Variants in SMIM1 observed in about 807,000 individuals in gnomAD.
The protein encoded by SMIM1 is small integral membrane protein 1.
SMIM1 carries 7 observed loss-of-function variants against 7.7 expected under a neutral mutation model. The ratio of observed to expected loss-of-function variants is 0.91; its 90% confidence interval spans 0.52 to 1.71. The LOEUF is 1.71. Among genes scored for constraint, SMIM1 ranks in the 40% most tolerant of loss-of-function variants. SMIM1 has a pLI of 0.00. For missense variants in SMIM1, 95 were observed against 102.8 expected (o/e 0.92, Z 0.33); for synonymous variants, 41 against 42.7 (o/e 0.96, Z 0.16).
At position 3,773,179 on chromosome 1, in the gene SMIM1, CG is replaced by C. The variant is rs969787741; in HGVS notation, c.-76+1del. The C allele has an allele frequency of 9.8e-5, 15 of 152,348 alleles. No homozygotes were observed. Among genetic ancestry groups the C allele is most frequent in the African/African-American group, 2.2e-4 (9 of 41,464 alleles). 9.4% of individuals were successfully genotyped at this position (152,348 alleles called of 1,614,324 possible). A position where few individuals can be genotyped will look rare whatever the true frequency, so the allele number is the denominator to read the frequency against. The stretch of plus-strand genomic sequence containing the variant: ...GCCCCAGCCCTCAGGCAAGGTTCTC[CG>C]GGTAAGTGTGGGGCCCTGAGGCGCT... On this transcript the variant is annotated splice_region_variant and 5_prime_UTR_variant, in exon 2 of 4. Coordinates refer to ENST00000642557, the MANE Select transcript of SMIM1 (RefSeq NM_001288583.2).
chr1:3,772,901 C>G (rs2124601988), intron 1 of SMIM1, 113 bp downstream of exon 1: 1 of 152,450 alleles, frequency 6.6e-6, no homozygotes, highest in East Asian at 1.9e-4. Flanking sequence ...GTGCCCTGGA[C>G]TGACCCCCAC....
Position 3,775,816 on chromosome 1 carries a change from G to A in SMIM1, c.132G>A (p.Thr44=), listed in dbSNP as rs781707432. The A allele has an allele frequency of 3.4e-5, 53 of 1,550,600 alleles. No individual in the cohort carries two copies. The highest frequency in any genetic ancestry group is 3.3e-4 in the Middle Eastern group (2 of 5,984). Residue 44 remains threonine (T), a synonymous_variant, in exon 4 of 4, where the codon ACG becomes ACA. Transcript: ENST00000642557. The surrounding 1 kb of genome is among the most constrained non-coding windows in gnomAD (Gnocchi z 5.3). The part of the protein sequence containing the change: ...RCRRISQRLC[T]GKLGIAMKVL... ...CCAGGATCTCCCAGAGGCTGTGCACGGGCAAGCTGGGCATCGCCATGAAGG... is the reference window on the plus strand; with the variant it reads ...CCAGGATCTCCCAGAGGCTGTGCACAGGCAAGCTGGGCATCGCCATGAAGG...
rs1643446522 is a variant in SMIM1, at chr1:3,775,609, AGCAGCTCAGC to A, written c.110+127_110+136del. 8 of 1,273,180 alleles carry A rather than the reference AGCAGCTCAGC, an allele frequency of 6.3e-6. No individual in the cohort carries two copies. The highest frequency in any genetic ancestry group is 8.5e-6 in the Non-Finnish European group (8 of 940,362). The allele number at this position is 1,273,180 out of a possible 1,614,324, so 78.9% of individuals were successfully genotyped here. ...CATCCTGGCTGGGAGCCCACGGTCC[AGCAGCTCAGC>A]AAACCGCAGCCTTTGGCCTTCCCTC... On this transcript the variant is annotated intron_variant, in intron 3 of 3. Coordinates refer to ENST00000642557, the MANE Select transcript of SMIM1 (RefSeq NM_001288583.2). The surrounding 1 kb of genome is among the most constrained non-coding windows in gnomAD (Gnocchi z 5.3).
At position 3,775,948 on chromosome 1, in the gene SMIM1, C is replaced by T. The variant is rs1010727559; in HGVS notation, c.*27C>T. 3.9e-6 allele frequency: 6 copies of T among 1,542,502 alleles called. No individual in the cohort carries two copies. Among genetic ancestry groups the T allele is most frequent in the Non-Finnish European group, 4.4e-6 (5 of 1,145,260 alleles). On this transcript the variant is annotated 3_prime_UTR_variant, in exon 4 of 4. Transcript: ENST00000642557. The surrounding 1 kb of genome is among the most constrained non-coding windows in gnomAD (Gnocchi z 5.3). ...TGCTGCCCCGCATGCACGCGGGGGGCTGGCCGCACACGTGAGAGCACAGGC... is the reference window on the plus strand; with the variant it reads ...TGCTGCCCCGCATGCACGCGGGGGGTTGGCCGCACACGTGAGAGCACAGGC...
At position 3,775,703 on chromosome 1, in the gene SMIM1, C is replaced by G; in HGVS notation, c.111-92C>G. 6.8e-7 allele frequency: 1 copy of G among 1,469,518 alleles called. No homozygotes were observed. Among genetic ancestry groups the G allele is most frequent in the Non-Finnish European group, 9.0e-7 (1 of 1,110,444 alleles). The allele number at this position is 1,469,518 out of a possible 1,614,324, so 91.0% of individuals were successfully genotyped here. The stretch of plus-strand genomic sequence containing the variant: ...ACTCCAGCAGAGCGCCCAGGCCCCT[C>G]CCCCTGACCCAGACCAACGGCCACA... On this transcript the variant is annotated intron_variant, in intron 3 of 3. Transcript: ENST00000642557. The surrounding 1 kb of genome is among the most constrained non-coding windows in gnomAD (Gnocchi z 5.3).
At position 3,775,687 on chromosome 1, in the gene SMIM1, G is replaced by C. The variant is rs1268207652; in HGVS notation, c.111-108G>C. The C allele has an allele frequency of 2.1e-6, 3 of 1,436,444 alleles. No homozygotes were observed. The highest frequency in any genetic ancestry group is 2.8e-6 in the Non-Finnish European group (3 of 1,090,250). 89.0% of individuals were successfully genotyped at this position (1,436,444 alleles called of 1,614,324 possible). On this transcript the variant is annotated intron_variant, in intron 3 of 3. Coordinates refer to ENST00000642557, the MANE Select transcript of SMIM1 (RefSeq NM_001288583.2). The surrounding 1 kb of genome is among the most constrained non-coding windows in gnomAD (Gnocchi z 5.3). ...GGAGAGCTTCCTCTTGACTCCAGCA[G>C]AGCGCCCAGGCCCCTCCCCCTGACC...
intron 2 of SMIM1, among the ~76,000 whole-genome samples, chr1:3,774,755 C>T (rs1447171030): frequency 6.6e-6 from 1 of 152,146 alleles, no homozygotes. Flanking sequence ...GGCTGCAACC[C>T]ACACAGGCTG....
intron 2 of SMIM1, among the ~76,000 whole-genome samples, chr1:3,773,861 G>T (rs756975001): frequency 5.3e-5 from 8 of 152,334 alleles, no homozygotes; most frequent in Non-Finnish European, 1.0e-4. Flanking sequence ...TGAACCTCGG[G>T]TAGGCAGCTG....
Position 3,774,025 on chromosome 1 carries a change from G to T in SMIM1, c.-76+844G>T, listed in dbSNP as rs533191616. Among the ~76,000 whole-genome samples the T allele has an allele frequency of 5.1e-3, 778 of 151,438 alleles. 5 individuals are homozygous for T. Among genetic ancestry groups the T allele is most frequent in the African/African-American group, 0.018 (742 of 40,722 alleles). ...TCCTTCTGCCTCTCTGGGCTTTGGG[G>T]GAAGGCAGACATGGAAGTGCCGGGA... On this transcript the variant is annotated intron_variant, in intron 2 of 3. Transcript: ENST00000642557.
chr1:3,773,177 T>A lies in SMIM1; in HGVS notation c.-80T>A, dbSNP rs1244850425. ...AGGCCCCAGCCCTCAGGCAAGGTTC[T>A]CCGGGTAAGTGTGGGGCCCTGAGGC... On this transcript the variant is annotated 5_prime_UTR_variant, in exon 2 of 4. Transcript: ENST00000642557. The A allele has an allele frequency of 6.6e-6, 1 of 152,300 alleles. No individual in the cohort carries two copies. Among genetic ancestry groups the A allele is most frequent in the African/African-American group, 2.4e-5 (1 of 41,444 alleles). The allele number at this position is 152,300 out of a possible 1,614,324, so 9.4% of individuals were successfully genotyped here. A position where few individuals can be genotyped will look rare whatever the true frequency, so the allele number is the denominator to read the frequency against.
Position 3,775,147 on chromosome 1 carries a change from G to A in SMIM1, c.-75-152G>A, listed in dbSNP as rs1643438311. Among the ~76,000 whole-genome samples, 1 of 152,106 alleles carries A rather than the reference G, an allele frequency of 6.6e-6. No homozygotes were observed. On this transcript the variant is annotated intron_variant, in intron 2 of 3. Coordinates refer to ENST00000642557, the MANE Select transcript of SMIM1 (RefSeq NM_001288583.2). The surrounding 1 kb of genome is among the most constrained non-coding windows in gnomAD (Gnocchi z 5.3). ...GTCCCATCCTCCCGGCCTGACCCTG[G>A]GCAAATGACTCTACCACTTTGTGTC...
At chr1:3,773,384 G>A (rs568042825) in intron 2 of SMIM1, among the ~76,000 whole-genome samples, 1 of 152,244 alleles carries the variant, frequency 6.6e-6, no homozygotes, top group Non-Finnish European at 1.5e-5. Flanking sequence ...TACTGAGCAA[G>A]TGAGGGAGGC....
At position 3,775,904 on chromosome 1, in the gene SMIM1, G is replaced by T; in HGVS notation, c.220G>T (p.Val74Leu). 1.3e-6 allele frequency: 2 copies of T among 1,550,130 alleles called. No individual in the cohort carries two copies. The highest frequency in any genetic ancestry group is 1.7e-6 in the Non-Finnish European group (2 of 1,146,920). ...CCTGGGCTACCTCACAGGCTACTAT[G>T]TGCACAAGTGCAAATAAATGCTGCC... ...FILGYLTGYY[V>L]HKCK is the part of the protein sequence containing the mutation. Residue 74 changes from valine to leucine, a missense_variant, in exon 4 of 4, where the codon GTG becomes TTG. Coordinates refer to ENST00000642557, the MANE Select transcript of SMIM1 (RefSeq NM_001288583.2). This position sits in a 1 kb window ranked among gnomAD's most constrained non-coding sequence, Gnocchi z 5.3.
Position 3,775,349 on chromosome 1 carries a change from GC to G in SMIM1, c.-21del, listed in dbSNP as rs1243357172. 8 of 1,531,710 alleles carry G rather than the reference GC, an allele frequency of 5.2e-6. No homozygotes were observed. The highest frequency in any genetic ancestry group is 2.0e-5 in the Admixed American group (1 of 49,604). The allele number at this position is 1,531,710 out of a possible 1,614,324, so 94.9% of individuals were successfully genotyped here. ...TTGATCTCCCCACCGAGAAGGCCCC[GC>G]CCCTCCCGCTGCAGCCCCACAGCAT... On this transcript the variant is annotated 5_prime_UTR_variant, in exon 3 of 4. Transcript: ENST00000642557. This position sits in a 1 kb window ranked among gnomAD's most constrained non-coding sequence, Gnocchi z 5.3.
chr1:3,774,640 C>CT lies in SMIM1; in HGVS notation c.-75-658dup, dbSNP rs575419464. 1.1e-4 allele frequency among the ~76,000 whole-genome samples: 16 copies of CT among 152,246 alleles called. No homozygotes were observed. In the South Asian group the frequency reaches 3.3e-3, roughly 32 times the overall value. On this transcript the variant is annotated intron_variant, in intron 2 of 3. Coordinates refer to ENST00000642557, the MANE Select transcript of SMIM1 (RefSeq NM_001288583.2). ...GCAGCCACCCAGCCCTACGACCCTC[C>CT]TGTCTCTGTAGGGCCTCCCCAAGGC...
chr1:3,774,679 C>T (rs999026050), intron 2 of SMIM1, among the ~76,000 whole-genome samples: 5 of 118,840 alleles, frequency 4.2e-5, no homozygotes, highest in African/African-American at 1.1e-4. Flanking sequence ...GAATCCACCC[C>T]GGCCCCGTGC....
At chr1:3,774,399 A>C (rs1355775035) in intron 2 of SMIM1, among the ~76,000 whole-genome samples, 5 of 152,092 alleles carry the variant, frequency 3.3e-5, no homozygotes, top group Non-Finnish European at 5.9e-5. Flanking sequence ...GCCAGAGGGT[A>C]AAGGAGGTGC....
At chr1:3,774,579 G>T (rs887528144) in intron 2 of SMIM1, among the ~76,000 whole-genome samples, 2 of 152,196 alleles carry the variant, frequency 1.3e-5, no homozygotes, top group East Asian at 1.9e-4. Flanking sequence ...AGCCCAGCAG[G>T]GAGCTGGCCT....
At chr1:3,774,155 C>T (rs1643422965) in intron 2 of SMIM1, among the ~76,000 whole-genome samples, 1 of 152,100 alleles carries the variant, frequency 6.6e-6, no homozygotes, top group Admixed American at 6.5e-5. Context: ...GAAGGTCAGC[C>T]TTCCCCGCTG....
Sources: allele counts gnomAD v4.1 joint callset (sites outside exome capture counted in the v4.1 genomes callset), GRCh38; gene constraint gnomAD v4.1.1; non-coding constraint Gnocchi (gnomAD v3.1); transcripts MANE v1.5; gene names NCBI Gene and HGNC (gene_info 2026-07-23, HGNC 2026-07-21).